Variants in KIF16B observed in about 807,000 individuals in gnomAD.
KIF16B encodes the protein kinesin family member 16B.
A neutral mutation model predicts 156.3 loss-of-function variants in KIF16B; 98 were observed. The observed-to-expected ratio is 0.63, with a 90% CI of 0.53 to 0.74. KIF16B has a LOEUF of 0.74. KIF16B is among the 30% of genes least tolerant of loss of function. The pLI is 0.00. For synonymous variants in KIF16B, 564 were observed against 583.7 expected, an observed-to-expected ratio of 0.97 and a Z score of 0.49; for missense variants, 1,421 against 1,606.5, an observed-to-expected ratio of 0.88 and a Z score of 1.97.
chr20:16,484,243 G>A (rs142242282), intron 12 of KIF16B, among the ~76,000 whole-genome samples: 2 of 152,248 alleles, frequency 1.3e-5, no homozygotes, highest in Non-Finnish European at 2.9e-5. Flanking sequence ...TTATTTATGA[G>A]CAGCCCCTTC....
At position 16,428,974 on chromosome 20, in the gene KIF16B, C is replaced by G; in HGVS notation, c.1453G>C (p.Ala485Pro). The G allele has an allele frequency of 1.2e-6, 2 of 1,613,404 alleles. No individual in the cohort carries two copies. Among genetic ancestry groups the G allele is most frequent in the Non-Finnish European group, 1.7e-6 (2 of 1,179,502 alleles). Residue 485 changes from alanine (A) to proline (P), a missense_variant, in exon 14 of 26, where the codon GCT becomes CCT. Transcript: ENST00000354981. Reference sequence around the variant, plus strand: ...TCACCAATATCTTGCTCCGTGGAAGCATCGTCTCTACCAACGTATGTCTGA... The same window carrying G: ...TCACCAATATCTTGCTCCGTGGAAGGATCGTCTCTACCAACGTATGTCTGA... ...EGQTYVGRDD[A>P]STEQDIVLHG...
intron 25 of KIF16B, among the ~76,000 whole-genome samples, chr20:16,307,323 A>G (rs1432249327): frequency 6.6e-6 from 1 of 152,238 alleles, no homozygotes; most frequent in East Asian, 1.9e-4. Context: ...TGCACCTTTC[A>G]TCAATGAACA....
intron 19 of KIF16B, among the ~76,000 whole-genome samples, chr20:16,375,054 G>C (rs996190216): frequency 6.6e-6 from 1 of 152,148 alleles, no homozygotes; most frequent in Non-Finnish European, 1.5e-5. Flanking sequence ...AGTTCCATGA[G>C]AAACTAAAAT....
chr20:16,392,595 A>G (rs570727508), intron 17 of KIF16B, among the ~76,000 whole-genome samples: 22 of 152,376 alleles, frequency 1.4e-4, no homozygotes, highest in South Asian at 6.2e-4. Flanking sequence ...CTGAGATCGC[A>G]CATGTGAAAG....
chr20:16,327,234 T>C (rs776547009), intron 24 of KIF16B, among the ~76,000 whole-genome samples: 1 of 151,564 alleles, frequency 6.6e-6, no homozygotes, highest in Non-Finnish European at 1.5e-5. Context: ...TTCTCACTCA[T>C]AAGTGGGAGC....
At position 16,406,412 on chromosome 20, in the gene KIF16B, G is replaced by A; in HGVS notation, c.1657C>T (p.His553Tyr). The change falls in exon 16 of 26, where the codon CAT becomes TAT. Residue 553 changes from histidine (H) to tyrosine (Y), a missense_variant. Transcript: ENST00000354981. Reference sequence around the variant, plus strand: ...CTGAGCTTGGCGGCTTCCTTTGGATGGTTAAAGCGAAACATATTGGTTCTT... The same window carrying A: ...CTGAGCTTGGCGGCTTCCTTTGGATAGTTAAAGCGAAACATATTGGTTCTT... ...LGRTNMFRFN[H>Y]PKEAAKLREK... The A allele has an allele frequency of 3.1e-6, 5 of 1,613,512 alleles. No homozygotes were observed. The highest frequency in any genetic ancestry group is 4.2e-6 in the Non-Finnish European group (5 of 1,179,626).
Position 16,378,916 on chromosome 20 carries a change from A to G in KIF16B, c.3086T>C (p.Ile1029Thr), listed in dbSNP as rs144357521. Residue 1029 changes from isoleucine to threonine, a missense_variant, in exon 19 of 26, where the codon ATT (isoleucine) becomes ACT (threonine). Ile to Thr is a moderately conservative substitution (Grantham distance 89). Coordinates refer to ENST00000354981, the MANE Select transcript of KIF16B (RefSeq NM_024704.5). Reference protein sequence around the residue: ...LQRHSTLGMEIEEQRQKLASL... With the variant: ...LQRHSTLGMETEEQRQKLASL... ...GGCAAGTTTCTGCCTCTGCTCTTCA[A>G]TCTCCATGCCCAGGGTGGAGTGCCT... 16 of 1,613,798 alleles carry G rather than the reference A, an allele frequency of 9.9e-6. No individual in the cohort carries two copies. The highest frequency in any genetic ancestry group is 6.7e-5 in the Admixed American group (4 of 59,990).
At chr20:16,284,125 G>A (rs1164679201) in intron 25 of KIF16B, among the ~76,000 whole-genome samples, 5 of 152,140 alleles carry the variant, frequency 3.3e-5, no homozygotes, top group African/African-American at 7.2e-5. Flanking sequence ...GCCTGATCAC[G>A]GGAACTATCA....
At chr20:16,393,412 C>T (rs1388529901) in intron 17 of KIF16B, among the ~76,000 whole-genome samples, 1 of 152,168 alleles carries the variant, frequency 6.6e-6, no homozygotes, top group African/African-American at 2.4e-5. Context: ...TTATTTCCAA[C>T]AATGATGACA....
chr20:16,523,866 C>T (rs570713017), intron 3 of KIF16B, among the ~76,000 whole-genome samples: 7 of 152,002 alleles, frequency 4.6e-5, no homozygotes, highest in East Asian at 3.9e-4. Context: ...GAACAGAGGC[C>T]GCAGAAATGA....
chr20:16,512,979 C>T (rs1473524136), intron 4 of KIF16B, 56 bp from the exon 5 acceptor site: 14 of 1,326,160 alleles, frequency 1.1e-5, no homozygotes, highest in Non-Finnish European at 1.5e-5. Flanking sequence ...CAACTGATGA[C>T]TGAATTTGCA....
chr20:16,406,520 A>C, intron 15 of KIF16B, 64 bp from the exon 16 acceptor site: 1 of 1,266,862 alleles, frequency 7.9e-7, no homozygotes, highest in Non-Finnish European at 1.2e-6. Flanking sequence ...CCAATACCAT[A>C]ACATGGAATT....
intron 22 of KIF16B, among the ~76,000 whole-genome samples, chr20:16,361,006 T>A (rs1021232283): frequency 6.6e-6 from 1 of 152,202 alleles, no homozygotes. Flanking sequence ...AAATTCAGTA[T>A]ACACATCATG....
intron 12 of KIF16B, among the ~76,000 whole-genome samples, chr20:16,443,373 GA>G (rs1199049175): frequency 6.6e-6 from 1 of 152,172 alleles, no homozygotes; most frequent in Non-Finnish European, 1.5e-5. Flanking sequence ...CCACAACCCA[GA>G]CACAGGACAG....
rs146228142 is a variant in KIF16B, at chr20:16,352,861, C to G, written c.3621+3469G>C. Among the ~76,000 whole-genome samples, 42 of 152,292 alleles carry G rather than the reference C, an allele frequency of 2.8e-4. No homozygotes were observed. In the East Asian group the frequency reaches 7.2e-3, roughly 26 times the overall value. On this transcript the variant is annotated intron_variant, in intron 23 of 25. Transcript: ENST00000354981. The stretch of plus-strand genomic sequence containing the variant: ...TGGGCCCTGGTGTGGTCACACAAAT[C>G]AGCTGGGACCCTAAATAAGCTGGCA...
At chr20:16,302,655 A>G (rs1157704273) in intron 25 of KIF16B, among the ~76,000 whole-genome samples, 4 of 152,164 alleles carry the variant, frequency 2.6e-5, no homozygotes, top group African/African-American at 9.7e-5. Flanking sequence ...ATACCTCTTC[A>G]TTAGTTTGTC....
chr20:16,413,843 T>A (rs1259757801), intron 15 of KIF16B, among the ~76,000 whole-genome samples: 1 of 151,824 alleles, frequency 6.6e-6, no homozygotes, highest in Non-Finnish European at 1.5e-5. Flanking sequence ...CCAAACTCTG[T>A]CAGGAACATA....
chr20:16,451,063 T>C (rs1600430815), intron 12 of KIF16B, among the ~76,000 whole-genome samples: 1 of 152,284 alleles, frequency 6.6e-6, no homozygotes, highest in East Asian at 1.9e-4. Flanking sequence ...TCTTCCACAT[T>C]ATATGGAAAA....
rs985490352 is a variant in KIF16B, at chr20:16,371,991, T to C, written c.3351-230A>G. On this transcript the variant is annotated intron_variant, in intron 20 of 25. Coordinates refer to ENST00000354981, the MANE Select transcript of KIF16B (RefSeq NM_024704.5). ...GTAGAACTGAACAAGTAATAGAATA[T>C]TGGGAATGGAAAGGAGACTAAGTGA... is the stretch of plus-strand genomic sequence containing the variant. Among the ~76,000 whole-genome samples, 9 of 152,288 alleles carry C rather than the reference T, an allele frequency of 5.9e-5. No homozygotes were observed. The East Asian group carries it at 9.7e-4, about 16-fold the overall frequency.
Sources: gnomAD v4.1 joint callset for allele counts (sites outside exome capture counted in the v4.1 genomes callset) on GRCh38, gnomAD v4.1.1 for gene constraint, MANE v1.5 for transcripts, NCBI Gene and HGNC (gene_info 2026-07-23, HGNC 2026-07-21) for gene names.